Variants in HECW1 observed in about 807,000 individuals in gnomAD.
HECW1 encodes the protein HECT, C2 and WW domain containing E3 ubiquitin protein ligase 1.
HECW1 carries 61 observed loss-of-function variants against 182.3 expected under a neutral mutation model. That is an observed-to-expected ratio of 0.33 (90% CI 0.27 to 0.41). HECW1 has a LOEUF of 0.41. Ranked by LOEUF, HECW1 falls within the 10% of genes least tolerant of loss-of-function variation. The probability of loss-of-function intolerance (pLI) is 1.00; values close to 1 mark genes in which losing one functional copy is unlikely to be tolerated. For synonymous variants in HECW1, 859 were observed against 832.6 expected, an observed-to-expected ratio of 1.03 and a Z score of -0.55; for missense variants, 1,739 against 2,108.9, an observed-to-expected ratio of 0.82 and a Z score of 3.44.
intron 6 of HECW1, among the ~76,000 whole-genome samples, chr7:43,369,548 A>G (rs147197266): frequency 1.4e-4 from 21 of 152,310 alleles, no homozygotes; most frequent in African/African-American, 5.1e-4. Context: ...AGAACACCTT[A>G]ATCTTTGGCA....
chr7:43,496,036 G>A (rs2079109019), intron 19 of HECW1, among the ~76,000 whole-genome samples: 1 of 151,908 alleles, frequency 6.6e-6, no homozygotes, highest in Non-Finnish European at 1.5e-5. Context: ...ATTTCCAAAA[G>A]GCAGTAGACT....
At chr7:43,336,468 A>G (rs1812305314) in intron 5 of HECW1, among the ~76,000 whole-genome samples, 1 of 152,080 alleles carries the variant, frequency 6.6e-6, no homozygotes, top group Admixed American at 6.6e-5. Context: ...ACTCCCAGCC[A>G]AGATTTGGAC....
intron 2 of HECW1, among the ~76,000 whole-genome samples, chr7:43,135,654 A>C (rs1198606962): frequency 6.6e-6 from 1 of 152,230 alleles, no homozygotes; most frequent in African/African-American, 2.4e-5. Context: ...CTTTTCATGC[A>C]TAGCTTTTTC....
chr7:43,450,806 G>C (rs1412139851), intron 11 of HECW1, 22 bp from the exon 12 acceptor site: 1 of 1,442,010 alleles, frequency 6.9e-7, no homozygotes, highest in East Asian at 2.3e-5. Flanking sequence ...GAATCTGAAT[G>C]TATTGACTAT....
At chr7:43,416,474 G>A (rs1432019356) in intron 8 of HECW1, among the ~76,000 whole-genome samples, 1 of 151,952 alleles carries the variant, frequency 6.6e-6, no homozygotes, top group Non-Finnish European at 1.5e-5. Context: ...GGTTACTGCT[G>A]TCTTTTTGTT....
At chr7:43,356,483 C>T (rs1477431649) in intron 5 of HECW1, among the ~76,000 whole-genome samples, 4 of 152,154 alleles carry the variant, frequency 2.6e-5, no homozygotes, top group African/African-American at 9.7e-5. Context: ...ACCCCACTCT[C>T]CATAATGGCC....
intron 24 of HECW1, among the ~76,000 whole-genome samples, chr7:43,515,713 G>T (rs1441898925): frequency 1.3e-5 from 2 of 152,024 alleles, no homozygotes; most frequent in African/African-American, 4.8e-5. Flanking sequence ...ATCTGAATTA[G>T]CCAGATTATA....
chr7:43,231,742 C>T (rs192302119), intron 2 of HECW1, among the ~76,000 whole-genome samples: 7 of 152,040 alleles, frequency 4.6e-5, no homozygotes, highest in East Asian at 1.9e-4. Context: ...TGGGGCCAGG[C>T]GCGGTGGCTC....
rs2077895134 is a variant in HECW1 at position 43,468,800 on chromosome 7, A to G, written c.2914-120A>G. On this transcript the variant is annotated intron_variant, in intron 15 of 29. Coordinates refer to ENST00000395891, the MANE Select transcript of HECW1 (RefSeq NM_015052.5). ...TCATTTTCTGAGGCCTCTACCTCACACTCACAATAAACTGCTGTGTCACAA... is the reference window on the plus strand; with the variant it reads ...TCATTTTCTGAGGCCTCTACCTCACGCTCACAATAAACTGCTGTGTCACAA... The G allele has an allele frequency of 6.9e-6, 6 of 866,562 alleles. No homozygotes were observed. In the Middle Eastern group the frequency reaches 6.8e-4, roughly 99 times the overall value. The allele number at this position is 866,562 out of a possible 1,614,324, so 53.7% of individuals were successfully genotyped here. A position where few individuals can be genotyped will look rare whatever the true frequency, so the allele number is the denominator to read the frequency against.
At chr7:43,278,862 C>T (rs1014558364) in intron 3 of HECW1, among the ~76,000 whole-genome samples, 7 of 152,174 alleles carry the variant, frequency 4.6e-5, no homozygotes, top group Non-Finnish European at 8.8e-5. Context: ...ACTCCACACC[C>T]TCATCCCTTT....
intron 5 of HECW1, among the ~76,000 whole-genome samples, chr7:43,336,144 T>TTCTCTCTCTCTC (rs768468130): frequency 7.9e-4 from 41 of 51,974 alleles, no homozygotes; most frequent in Admixed American, 1.2e-3. Context: ...CTCTCTCTCT[T>TTCTCTCTCTCTC]TCTCTCTCTC....
chr7:43,372,120 C>CTCCTTTCTTTTCTTT (rs1562899220), intron 6 of HECW1, among the ~76,000 whole-genome samples: 1 of 152,136 alleles, frequency 6.6e-6, no homozygotes, highest in African/African-American at 2.4e-5. Flanking sequence ...CCAAGCCCGG[C>CTCCTTTCTTTTCTTT]CTCAATATGT....
rs1215560670 is a variant in HECW1, at chr7:43,445,167, C to A, written c.1995C>A (p.Gly665=). The A allele has an allele frequency of 6.2e-7, 1 of 1,611,176 alleles. No individual in the cohort carries two copies. Residue 665 remains glycine (G), a synonymous_variant, in exon 11 of 30, where the codon GGC becomes GGA. Transcript: ENST00000395891. ...AGAGCGACTCCAGCCCCAGGCAAGG[C>A]GGGGACCACAGTTGCGAGGGCTGTG... ...GSESDSSPRQ[G]GDHSCEGCDA...
chr7:43,496,286 T>C (rs2079119885), intron 19 of HECW1, among the ~76,000 whole-genome samples: 1 of 151,612 alleles, frequency 6.6e-6, no homozygotes, highest in Non-Finnish European at 1.5e-5. Context: ...CACATATAAA[T>C]ATAAACCTCT....
intron 5 of HECW1, among the ~76,000 whole-genome samples, chr7:43,339,296 C>T (rs1261462019): frequency 6.6e-6 from 1 of 152,050 alleles, no homozygotes; most frequent in Non-Finnish European, 1.5e-5. Context: ...TGTACTTTCT[C>T]CCCTTTCTTT....
intron 6 of HECW1, among the ~76,000 whole-genome samples, chr7:43,393,184 AG>A (rs371669920): frequency 3.9e-5 from 6 of 151,916 alleles, no homozygotes; most frequent in Non-Finnish European, 8.8e-5. Flanking sequence ...CAACAGAGAG[AG>A]GGGGGGCAAC....
intron 2 of HECW1, among the ~76,000 whole-genome samples, chr7:43,155,026 C>G (rs564661043): frequency 1.4e-4 from 21 of 152,142 alleles, no homozygotes; most frequent in Non-Finnish European, 2.6e-4. Flanking sequence ...CAACGCAAGG[C>G]TGCAGCTCAG....
chr7:43,145,452 C>T (rs1355076378), intron 2 of HECW1, among the ~76,000 whole-genome samples: 8 of 152,130 alleles, frequency 5.3e-5, no homozygotes, highest in East Asian at 1.9e-4. Flanking sequence ...TGTGCCACCA[C>T]GCCTGGCTAA....
chr7:43,383,591 G>T (rs922846982), intron 6 of HECW1, among the ~76,000 whole-genome samples: 3 of 152,260 alleles, frequency 2.0e-5, no homozygotes, highest in Admixed American at 6.5e-5. Flanking sequence ...CTTTTGAGAA[G>T]CATCTGTTCA....
Sources: allele counts gnomAD v4.1 joint callset (sites outside exome capture counted in the v4.1 genomes callset), GRCh38; gene constraint gnomAD v4.1.1; transcripts MANE v1.5; gene names NCBI Gene and HGNC (gene_info 2026-07-23, HGNC 2026-07-21).